DAAM2: variants seen among roughly 807,000 people sequenced by gnomAD.
DAAM2 encodes disheveled-associated activator of morphogenesis 2.
DAAM2 carries 39 observed loss-of-function variants against 120.7 expected under a neutral mutation model. The ratio of observed to expected loss-of-function variants is 0.32; its 90% CI spans 0.25 to 0.42. DAAM2 has a LOEUF of 0.42. Ranked by LOEUF, DAAM2 falls within the 10% of genes least tolerant of loss-of-function variation. DAAM2 has a pLI of 1.00. For missense variants in DAAM2, 1,283 were observed against 1,401.7 expected, an observed-to-expected ratio of 0.92 and a Z score of 1.35; for synonymous variants, 488 against 524.9, an observed-to-expected ratio of 0.93 and a Z score of 0.96.
rs1764541766 is a variant in DAAM2, at chr6:39,868,998, G to A, written c.873+65G>A. On this transcript the variant is annotated intron_variant, in intron 7 of 24. Transcript: ENST00000274867. ...TCTGGACCTGGGGTAGAGTGTGTGA[G>A]TGTGTTGCTTCCCCAATAATTGTTT... 17 of 1,171,478 alleles carry A rather than the reference G, an allele frequency of 1.5e-5. No individual in the cohort carries two copies. In the South Asian group the frequency reaches 2.2e-4, roughly 15 times the overall value. 72.6% of individuals were successfully genotyped at this position (1,171,478 alleles called of 1,614,324 possible).
Position 39,902,069 on chromosome 6 carries a change from G to C in DAAM2, c.*32G>C, listed in dbSNP as rs1406690504. 1 of 1,557,372 alleles carries C rather than the reference G, an allele frequency of 6.4e-7. No individual in the cohort carries two copies. The highest frequency in any genetic ancestry group is 2.3e-5 in the East Asian group (1 of 44,196). ...GAACTAGCCACACAGGAGGCCGGGA[G>C]ACAGGGACTGGTGAGAATGGGGCTG... is the stretch of plus-strand genomic sequence containing the variant. On this transcript the variant is annotated 3_prime_UTR_variant, in exon 25 of 25. Transcript: ENST00000274867.
At chr6:39,900,820 A>C (rs1766432829) in intron 23 of DAAM2, among the ~76,000 whole-genome samples, 1 of 152,182 alleles carries the variant, frequency 6.6e-6, no homozygotes, top group South Asian at 2.1e-4. Flanking sequence ...AGTAACTCAG[A>C]ACAGTGCCTG....
rs1403810070 is a variant in DAAM2, at chr6:39,860,922, T to G, written c.169-6T>G. 6.2e-7 allele frequency: 1 copy of G among 1,611,146 alleles called. No individual in the cohort carries two copies. Among genetic ancestry groups the G allele is most frequent in the Non-Finnish European group, 8.5e-7 (1 of 1,178,454 alleles). On this transcript the variant is annotated splice_polypyrimidine_tract_variant and splice_region_variant and intron_variant, in intron 2 of 24. Transcript: ENST00000274867. ...TCAGACGTATTTTTTCTTATTGTCT[T>G]TGCAGGATGAATTGGATCTCACTGA...
chr6:39,803,008 G>T (rs959438378), intron 1 of DAAM2, among the ~76,000 whole-genome samples: 3 of 152,136 alleles, frequency 2.0e-5, no homozygotes, highest in Non-Finnish European at 4.4e-5. Flanking sequence ...GCATTTTGTT[G>T]TTGTGTAGAT....
At chr6:39,860,330 C>T (rs145323305) in intron 2 of DAAM2, among the ~76,000 whole-genome samples, 36 of 152,194 alleles carry the variant, frequency 2.4e-4, no homozygotes, top group Non-Finnish European at 4.6e-4. Context: ...CAATGCCTCC[C>T]GGGGCATGGC....
rs758751293 is a variant in DAAM2, at chr6:39,837,663, CAAAAAAAAAAAAAAAAAAAAAA to C, written c.-56-18582_-56-18561del. On this transcript the variant is annotated intron_variant, in intron 1 of 24. Coordinates refer to ENST00000274867, the MANE Select transcript of DAAM2 (RefSeq NM_001201427.2). ...GGGCAACAAGAGCGAAACTCCATCT[CAAAAAAAAAAAAAAAAAAAAAA>C]AGAAAAGAAAAAAAGAAATGGCTGC... Among the ~76,000 whole-genome samples the C allele has an allele frequency of 1.7e-4, 7 of 41,196 alleles. 1 individual carries two copies. The highest frequency in any genetic ancestry group is 6.7e-4 in the African/African-American group (6 of 8,946). 27.0% of individuals were successfully genotyped at this position (41,196 alleles called of 152,430 possible). A position where few individuals can be genotyped will look rare whatever the true frequency, so the allele number is the denominator to read the frequency against.
intron 1 of DAAM2, among the ~76,000 whole-genome samples, chr6:39,816,433 A>G (rs761009471): frequency 2.0e-5 from 3 of 152,140 alleles, no homozygotes; most frequent in Non-Finnish European, 4.4e-5. Flanking sequence ...TCTTTTGTAT[A>G]TAGGAGGCTT....
chr6:39,809,084 A>C (rs1762091752), intron 1 of DAAM2, among the ~76,000 whole-genome samples: 2 of 152,154 alleles, frequency 1.3e-5, no homozygotes, highest in South Asian at 4.1e-4. Context: ...ATGGTGACGC[A>C]CTCAGGAAGG....
chr6:39,849,239 T>C (rs1475252454), intron 1 of DAAM2, among the ~76,000 whole-genome samples: 1 of 152,200 alleles, frequency 6.6e-6, no homozygotes, highest in Non-Finnish European at 1.5e-5. Context: ...CTTAAATGAA[T>C]GTGCATGACT....
At chr6:39,795,943 G>A (rs1761687212) in intron 1 of DAAM2, among the ~76,000 whole-genome samples, 1 of 152,118 alleles carries the variant, frequency 6.6e-6, no homozygotes, top group Non-Finnish European at 1.5e-5. Flanking sequence ...GTGGGGGTAG[G>A]GCAGGAGGGT....
At chr6:39,888,803 C>T (rs573506563) in intron 17 of DAAM2, 40 bp downstream of exon 17, 251 of 1,516,080 alleles carry the variant, frequency 1.7e-4, no homozygotes, top group Non-Finnish European at 2.0e-4. Context: ...CTGAACCCAG[C>T]GGGCAGCCAC....
At chr6:39,838,560 C>T (rs1431473735) in intron 1 of DAAM2, among the ~76,000 whole-genome samples, 1 of 152,178 alleles carries the variant, frequency 6.6e-6, no homozygotes, top group Non-Finnish European at 1.5e-5. Flanking sequence ...ATTAGTGTCA[C>T]CTGGAGAGAT....
Position 39,867,710 on chromosome 6 carries a change from C to T in DAAM2, c.629C>T (p.Thr210Ile), listed in dbSNP as rs1764488600. The change falls in exon 6 of 25, where the codon ACA becomes ATA. Residue 210 changes from threonine (T) to isoleucine (I), a missense_variant. This residue lies in a region of DAAM2 where 338 missense variants were observed against 443.9 expected (regional missense o/e 0.76). Coordinates refer to ENST00000274867, the MANE Select transcript of DAAM2 (RefSeq NM_001201427.2). ...AISTIAQSLR[T>I]ENSKTKVAVL... ...AGTACCATAGCCCAGAGCCTACGCA[C>T]AGAGAACAGCAAGACCAAGGTGGCT... 6.2e-7 allele frequency: 1 copy of T among 1,613,946 alleles called. No individual in the cohort carries two copies. The highest frequency in any genetic ancestry group is 8.5e-7 in the Non-Finnish European group (1 of 1,179,918).
In DAAM2 at chr6:39,878,401, C is replaced by T; in HGVS notation, c.1361-3C>T. The T allele has an allele frequency of 3.1e-6, 5 of 1,611,618 alleles. No individual in the cohort carries two copies. Among genetic ancestry groups the T allele is most frequent in the Non-Finnish European group, 4.2e-6 (5 of 1,178,688 alleles). On this transcript the variant is annotated splice_polypyrimidine_tract_variant and splice_region_variant and intron_variant, in intron 12 of 24. Coordinates refer to ENST00000274867, the MANE Select transcript of DAAM2 (RefSeq NM_001201427.2). The surrounding 1 kb of genome is among the most constrained non-coding windows in gnomAD (Gnocchi z 5.0). ...TTCCTCTCCCGTCCCACCCCCATTC[C>T]AGAACACATGGAGCTTGTGAGCCGT... is the stretch of plus-strand genomic sequence containing the variant.
intron 1 of DAAM2, among the ~76,000 whole-genome samples, chr6:39,830,951 C>T (rs553254707): frequency 2.0e-4 from 30 of 152,266 alleles, no homozygotes; most frequent in Middle Eastern, 3.4e-3. Flanking sequence ...TACCAAGGAC[C>T]GGAGTGGGCA....
At chr6:39,812,907 AGT>A (rs1762204572) in intron 1 of DAAM2, among the ~76,000 whole-genome samples, 1 of 152,150 alleles carries the variant, frequency 6.6e-6, no homozygotes, top group Non-Finnish European at 1.5e-5. Context: ...CTTGGGGGAA[AGT>A]GTGTGTCACC....
intron 1 of DAAM2, among the ~76,000 whole-genome samples, chr6:39,839,813 A>G (rs993584472): frequency 6.6e-6 from 1 of 152,228 alleles, no homozygotes; most frequent in Non-Finnish European, 1.5e-5. Context: ...TTGATGCAGG[A>G]AGCATTTCTA....
At chr6:39,852,827 G>A (rs367913307) in intron 1 of DAAM2, among the ~76,000 whole-genome samples, 6 of 152,182 alleles carry the variant, frequency 3.9e-5, no homozygotes, top group African/African-American at 1.4e-4. Flanking sequence ...CCTGCTACTA[G>A]GAAGCTGGAG....
chr6:39,877,169 C>G lies in DAAM2; in HGVS notation c.1302-1034C>G, dbSNP rs572188520. Among the ~76,000 whole-genome samples the G allele has an allele frequency of 1.3e-4, 20 of 152,316 alleles. No homozygotes were observed. In the East Asian group the frequency reaches 3.7e-3, roughly 28 times the overall value. On this transcript the variant is annotated intron_variant, in intron 11 of 24. Coordinates refer to ENST00000274867, the MANE Select transcript of DAAM2 (RefSeq NM_001201427.2). Reference sequence around the variant, plus strand: ...CTTTTCGCTCAGGTGGAAACAGCTCCCCTTGCACAGGACTGTGAAAACTGC... The same window carrying G: ...CTTTTCGCTCAGGTGGAAACAGCTCGCCTTGCACAGGACTGTGAAAACTGC...
Sources: gnomAD v4.1 joint callset for allele counts (sites outside exome capture counted in the v4.1 genomes callset) on GRCh38, gnomAD v4.1.1 for gene constraint, gnomAD v4.1.1 regional missense constraint, Gnocchi (gnomAD v3.1) non-coding constraint, MANE v1.5 for transcripts, NCBI Gene and HGNC (gene_info 2026-07-23, HGNC 2026-07-21) for gene names.